Variants in PITPNM2 observed in about 807,000 individuals in gnomAD.
PITPNM2 encodes membrane-associated phosphatidylinositol transfer protein 2.
In PITPNM2, 35 loss-of-function variants were observed where a neutral mutation model predicts 132.2. The ratio of observed to expected loss-of-function variants is 0.26; its 90% confidence interval spans 0.20 to 0.35. The LOEUF is 0.35. Ranked by LOEUF, PITPNM2 falls within the 10% of genes least tolerant of loss-of-function variation. The pLI is 1.00. For synonymous variants in PITPNM2, 738 were observed against 799.2 expected (o/e 0.92, Z 1.29); for missense variants, 1,332 against 1,912.0 (o/e 0.70, Z 5.66).
chr12:123,017,543 TTCACAGAAAAACC>T (rs1329998122), intron 3 of PITPNM2, among the ~76,000 whole-genome samples: 1 of 152,228 alleles, frequency 6.6e-6, no homozygotes, highest in Non-Finnish European at 1.5e-5. Context: ...CTGCCATGTA[TTCACAGAAAAACC>T]TGTACACCAA....
At chr12:123,055,249 G>A (rs961622851) in intron 2 of PITPNM2, among the ~76,000 whole-genome samples, 2 of 152,220 alleles carry the variant, frequency 1.3e-5, no homozygotes, top group East Asian at 1.9e-4. Context: ...CGCTGCAGCT[G>A]GTTGGAGAAA....
At chr12:123,062,184 AG>A (rs1175975635) in intron 2 of PITPNM2, among the ~76,000 whole-genome samples, 1 of 152,144 alleles carries the variant, frequency 6.6e-6, no homozygotes, top group African/African-American at 2.4e-5. Context: ...ACTCCCTCCC[AG>A]ACAGGCAGCC....
intron 18 of PITPNM2, 131 bp from the exon 19 acceptor site, chr12:122,989,003 C>T: frequency 9.1e-7 from 1 of 1,100,332 alleles, no homozygotes; most frequent in Non-Finnish European, 1.2e-6. Context: ...AGTGAGTCTT[C>T]TCCCAGGCTG....
intron 10 of PITPNM2, among the ~76,000 whole-genome samples, chr12:122,999,581 G>A (rs1333812087): frequency 6.6e-6 from 1 of 152,130 alleles, no homozygotes; most frequent in Non-Finnish European, 1.5e-5. Flanking sequence ...GCATAGGCCT[G>A]TCTGACTGGG....
At position 122,992,073 on chromosome 12, in the gene PITPNM2, G is replaced by C. The variant is rs73411018; in HGVS notation, c.2404+426C>G. Among the ~76,000 whole-genome samples, 6,561 of 151,940 alleles carry C rather than the reference G, an allele frequency of 0.043. 466 individuals carry two copies. Among genetic ancestry groups the C allele is most frequent in the African/African-American group, 0.15 (6,129 of 41,380 alleles). On this transcript the variant is annotated intron_variant, in intron 16 of 25. Transcript: ENST00000320201. This position sits in a 1 kb window ranked among gnomAD's most constrained non-coding sequence, Gnocchi z 6.5. ...CTACCTGGACCTCCCCTGCCCCAAC[G>C]CATCTCCTGCACCCTATCTCGGGGC...
In PITPNM2 at chr12:123,005,778, G is replaced by T; in HGVS notation, c.644-230C>A. On this transcript the variant is annotated intron_variant, in intron 6 of 25. Coordinates refer to ENST00000320201, the MANE Select transcript of PITPNM2 (RefSeq NM_020845.3). This position sits in a 1 kb window ranked among gnomAD's most constrained non-coding sequence, Gnocchi z 6.2. ...GTGGTTCTATAATTAGAGTGGAGGG[G>T]CCTCCCAAAGCAATGTGTCCGGTCA... The T allele has an allele frequency of 1.8e-6, 1 of 559,334 alleles. No homozygotes were observed. The allele number at this position is 559,334 out of a possible 1,614,324, so 34.6% of individuals were successfully genotyped here. A position where few individuals can be genotyped will look rare whatever the true frequency, so the allele number is the denominator to read the frequency against.
At chr12:123,068,630 G>A (rs2041524459) in intron 2 of PITPNM2, among the ~76,000 whole-genome samples, 1 of 152,170 alleles carries the variant, frequency 6.6e-6, no homozygotes, top group Admixed American at 6.5e-5. Flanking sequence ...AACCCCAAGG[G>A]GCTCAGCATC....
Position 123,000,940 on chromosome 12 carries a change from G to C in PITPNM2, c.1154-92C>G. 6.4e-7 allele frequency: 1 copy of C among 1,558,260 alleles called. No homozygotes were observed. The highest frequency in any genetic ancestry group is 8.8e-7 in the Non-Finnish European group (1 of 1,130,638). On this transcript the variant is annotated intron_variant, in intron 9 of 25. Transcript: ENST00000320201. This position sits in a 1 kb window ranked among gnomAD's most constrained non-coding sequence, Gnocchi z 5.4. ...TGCAACTGTGACGAGGGGAGCTTGG[G>C]GGTCCCCAACTCACATGTATGCCCA...
At chr12:123,034,784 A>G (rs1046693926) in intron 2 of PITPNM2, 99 bp from the exon 3 acceptor site, 7 of 584,656 alleles carry the variant, frequency 1.2e-5, no homozygotes, top group East Asian at 2.8e-5. Flanking sequence ...TGAGGCTGGA[A>G]TTGTGGCCTC....
intron 1 of PITPNM2, among the ~76,000 whole-genome samples, chr12:123,143,969 GCAGATC>G (rs1194825630): frequency 5.3e-5 from 8 of 152,316 alleles, no homozygotes; most frequent in African/African-American, 1.7e-4. Context: ...GCCAAAGGTG[GCAGATC>G]CTCACTATCC....
chr12:123,029,267 GCTCT>G (rs2039985149), intron 3 of PITPNM2, among the ~76,000 whole-genome samples: 1 of 152,220 alleles, frequency 6.6e-6, no homozygotes, highest in Non-Finnish European at 1.5e-5. Flanking sequence ...GGGAAACTAT[GCTCT>G]CTGAGAGCCT....
intron 2 of PITPNM2, among the ~76,000 whole-genome samples, chr12:123,102,703 A>C (rs2042592459): frequency 6.6e-6 from 1 of 152,206 alleles, no homozygotes; most frequent in Non-Finnish European, 1.5e-5. Context: ...TTGTCATTAG[A>C]GCAGCCTTGC....
At chr12:123,013,758 T>A (rs1032574910) in intron 4 of PITPNM2, 70 bp downstream of exon 4, 1 of 1,506,750 alleles carries the variant, frequency 6.6e-7, no homozygotes, top group African/African-American at 1.4e-5. Context: ...CCTGGATCTA[T>A]GCCACAAGAT....
rs2043731504 is a variant in PITPNM2, at chr12:123,150,989, G to T, written c.-436C>A. ...GCTGGCGGGCGGCTCTCGCTGAGGC[G>T]GCCGCGAGCTGAGAAGGAAGCGCCG... is the stretch of plus-strand genomic sequence containing the variant. On this transcript the variant is annotated 5_prime_UTR_variant, in exon 1 of 26. Transcript: ENST00000320201. This position sits in a 1 kb window ranked among gnomAD's most constrained non-coding sequence, Gnocchi z 6.0. Among the ~76,000 whole-genome samples the T allele has an allele frequency of 6.9e-6, 1 of 145,440 alleles. No individual in the cohort carries two copies. Among genetic ancestry groups the T allele is most frequent in the South Asian group, 2.1e-4 (1 of 4,802 alleles).
rs1324277127 is a variant in PITPNM2, at chr12:122,987,617, G to A, written c.3157C>T (p.Leu1053Phe). The A allele has an allele frequency of 1.2e-6, 2 of 1,613,926 alleles. No homozygotes were observed. Among genetic ancestry groups the A allele is most frequent in the South Asian group, 1.1e-5 (1 of 91,090 alleles). Residue 1053 changes from leucine (L) to phenylalanine (F), a missense_variant, in exon 22 of 26, where the codon CTC (leucine) becomes TTC (phenylalanine). Leu to Phe is a conservative substitution (Grantham distance 22, BLOSUM62 0). Around this residue, in one of 6 missense-constraint regions of PITPNM2, gnomAD observed 251 missense variants for 472.0 expected, o/e 0.53. Transcript: ENST00000320201. ...TTGGTCACCAGCGTATCCAGGTAGA[G>A]CCACTCGCCTGAGGGCGGCTGGGTC... ...IMTQPPSGEW[L>F]YLDTLVTNNS...
At chr12:123,046,282 C>T (rs1362895905) in intron 2 of PITPNM2, among the ~76,000 whole-genome samples, 1 of 152,152 alleles carries the variant, frequency 6.6e-6, no homozygotes, top group East Asian at 1.9e-4. Context: ...CCCCCACCCT[C>T]TGGCAGGCAC....
At chr12:123,027,277 C>T (rs1470932586) in intron 3 of PITPNM2, among the ~76,000 whole-genome samples, 1 of 152,138 alleles carries the variant, frequency 6.6e-6, no homozygotes, top group African/African-American at 2.4e-5. Flanking sequence ...CATAGGTGAC[C>T]CTGTGCTATG....
chr12:123,058,686 C>T lies in PITPNM2; in HGVS notation c.-95-24001G>A, dbSNP rs2041126255. 6.6e-6 allele frequency among the ~76,000 whole-genome samples: 1 copy of T among 152,206 alleles called. No individual in the cohort carries two copies. The highest frequency in any genetic ancestry group is 1.9e-4 in the East Asian group (1 of 5,200). On this transcript the variant is annotated intron_variant, in intron 2 of 25. Transcript: ENST00000320201. The surrounding 1 kb of genome is among the most constrained non-coding windows in gnomAD (Gnocchi z 4.0). ...CACTGCAGAAGCTGGTAACTGTTGC[C>T]TGAGGCATTTGCTCAAGGCCCCAAG...
intron 1 of PITPNM2, among the ~76,000 whole-genome samples, chr12:123,141,129 C>T (rs1335858800): frequency 6.6e-6 from 1 of 152,090 alleles, no homozygotes; most frequent in Non-Finnish European, 1.5e-5. Flanking sequence ...TAGAGTCCAG[C>T]CAGCAGTTAA....
Sources: allele counts gnomAD v4.1 joint callset (sites outside exome capture counted in the v4.1 genomes callset), GRCh38; gene constraint gnomAD v4.1.1; regional missense constraint gnomAD v4.1.1; non-coding constraint Gnocchi (gnomAD v3.1); transcripts MANE v1.5; gene names NCBI Gene and HGNC (gene_info 2026-07-23, HGNC 2026-07-21).